AMPH: variants seen among roughly 807,000 people sequenced by gnomAD.
AMPH encodes amphiphysin, also known as amphiphysin (Stiff-Mann syndrome with breast cancer 128kD autoantigen).
A neutral mutation model predicts 99.1 loss-of-function variants in AMPH; 49 were observed. That is an observed-to-expected ratio of 0.49 (90% CI 0.39 to 0.63). The LOEUF (loss-of-function observed/expected upper bound fraction) is 0.63. Ranked by LOEUF, AMPH falls within the 20% of genes least tolerant of loss-of-function variation. AMPH has a pLI of 0.00. For synonymous variants in AMPH, 314 were observed against 317.3 expected (o/e 0.99, Z 0.11); for missense variants, 759 against 863.4 (o/e 0.88, Z 1.52).
intron 1 of AMPH, among the ~76,000 whole-genome samples, chr7:38,586,351 G>T (rs1022624800): frequency 1.3e-5 from 2 of 152,164 alleles, no homozygotes; most frequent in African/African-American, 4.8e-5. Context: ...CAAGCCTTCT[G>T]TCAGAACTAC....
intron 11 of AMPH, among the ~76,000 whole-genome samples, chr7:38,445,424 T>A (rs1004546852): frequency 3.9e-5 from 6 of 152,126 alleles, no homozygotes; most frequent in Admixed American, 6.6e-5. Context: ...AAATTGGATT[T>A]CATCAAATAA....
chr7:38,612,545 T>C (rs1793724908), intron 1 of AMPH, among the ~76,000 whole-genome samples: 3 of 152,194 alleles, frequency 2.0e-5, no homozygotes, highest in South Asian at 4.1e-4. Context: ...AACACTGATA[T>C]GGATAGATTA....
chr7:38,389,948 AT>A, intron 19 of AMPH, 43 bp from the exon 20 acceptor site: 1 of 1,454,158 alleles, frequency 6.9e-7, no homozygotes, highest in Non-Finnish European at 9.6e-7. Context: ...TCCCAGCCAG[AT>A]TTCAAGCAGA....
Position 38,441,850 on chromosome 7 carries a change from T to TCATATATA in AMPH, c.1018-5470_1018-5463dup, listed in dbSNP as rs1180405186. On this transcript the variant is annotated intron_variant, in intron 11 of 20. Coordinates refer to ENST00000356264, the MANE Select transcript of AMPH (RefSeq NM_001635.4). ...TCATATATATCATATATCATATATA[T>TCATATATA]CATATATATCATATATATCATATAT... Among the ~76,000 whole-genome samples, 388 of 100,370 alleles carry TCATATATA rather than the reference T, an allele frequency of 3.9e-3. 25 individuals carry two copies. In the South Asian group the frequency reaches 0.066, roughly 17 times the overall value. The allele number at this position is 100,370 out of a possible 152,430, so 65.8% of individuals were successfully genotyped here.
At chr7:38,422,548 G>C (rs1297739271) in intron 15 of AMPH, 71 bp from the exon 16 acceptor site, 1 of 1,064,458 alleles carries the variant, frequency 9.4e-7, no homozygotes, top group African/African-American at 1.6e-5. Context: ...AATTGTGTCT[G>C]CCTACGTATC....
At chr7:38,558,308 G>A (rs1791436827) in intron 1 of AMPH, among the ~76,000 whole-genome samples, 1 of 152,166 alleles carries the variant, frequency 6.6e-6, no homozygotes, top group African/African-American at 2.4e-5. Context: ...CATATACCAG[G>A]GGTTCTGCAC....
At chr7:38,478,999 C>T (rs1347185785) in intron 5 of AMPH, among the ~76,000 whole-genome samples, 2 of 151,864 alleles carry the variant, frequency 1.3e-5, no homozygotes, top group Non-Finnish European at 2.9e-5. Flanking sequence ...AATGGTCTAA[C>T]ATAATATAAT....
chr7:38,604,866 AT>A (rs879778690), intron 1 of AMPH, among the ~76,000 whole-genome samples: 5 of 150,488 alleles, frequency 3.3e-5, no homozygotes, highest in South Asian at 2.1e-4. Context: ...ATTTTCCTTC[AT>A]TTTTTTTTCC....
chr7:38,595,491 G>C (rs1056044807), intron 1 of AMPH, among the ~76,000 whole-genome samples: 1 of 152,202 alleles, frequency 6.6e-6, no homozygotes, highest in African/African-American at 2.4e-5. Flanking sequence ...AGAGGTTGTG[G>C]AGAAGTGCAA....
chr7:38,547,920 A>T (rs1171230187), intron 1 of AMPH, among the ~76,000 whole-genome samples: 1 of 152,170 alleles, frequency 6.6e-6, no homozygotes, highest in Non-Finnish European at 1.5e-5. Flanking sequence ...GTGAAACAAT[A>T]GGGCAGTGGA....
At chr7:38,522,082 G>A (rs1254574596) in intron 2 of AMPH, among the ~76,000 whole-genome samples, 1 of 152,084 alleles carries the variant, frequency 6.6e-6, no homozygotes, top group African/African-American at 2.4e-5. Flanking sequence ...ATGAGGTGGA[G>A]AAAAAAGAGA....
chr7:38,629,111 A>G (rs936104609), intron 1 of AMPH, among the ~76,000 whole-genome samples: 3 of 152,118 alleles, frequency 2.0e-5, no homozygotes, highest in South Asian at 4.2e-4. Context: ...AGGTGTAGAA[A>G]GAGGGAATCA....
intron 2 of AMPH, among the ~76,000 whole-genome samples, chr7:38,512,694 A>C (rs1037070029): frequency 6.6e-6 from 1 of 152,204 alleles, no homozygotes; most frequent in Admixed American, 6.5e-5. Flanking sequence ...TTCATAGGAA[A>C]TGGCACAGTA....
intron 1 of AMPH, among the ~76,000 whole-genome samples, chr7:38,620,020 G>C (rs1261916510): frequency 1.3e-5 from 2 of 152,122 alleles, no homozygotes; most frequent in African/African-American, 4.8e-5. Flanking sequence ...TAAGTTGGGA[G>C]ATCCTCCCAA....
chr7:38,467,640 A>ATGTGTGTG (rs70977407), intron 7 of AMPH, among the ~76,000 whole-genome samples: 47,612 of 148,574 alleles, frequency 0.32, 7,994 homozygotes, highest in Non-Finnish European at 0.39. Context: ...CAATGGAAAT[A>ATGTGTGTG]TGTGTGTGTG....
intron 4 of AMPH, among the ~76,000 whole-genome samples, chr7:38,493,865 T>C (rs1788820859): frequency 6.6e-6 from 1 of 152,154 alleles, no homozygotes; most frequent in Non-Finnish European, 1.5e-5. Flanking sequence ...TGTTAAGGCT[T>C]GTAGTGAGGA....
intron 1 of AMPH, among the ~76,000 whole-genome samples, chr7:38,622,214 G>T (rs868129804): frequency 6.6e-6 from 1 of 152,102 alleles, no homozygotes; most frequent in South Asian, 2.1e-4. Context: ...TTTCTCAGAA[G>T]TTCTATGCAG....
Position 38,392,005 on chromosome 7 carries a change from G to T in AMPH, c.1621C>A (p.Pro541Thr). 6.2e-7 allele frequency: 1 copy of T among 1,605,740 alleles called. No individual in the cohort carries two copies. The highest frequency in any genetic ancestry group is 8.5e-7 in the Non-Finnish European group (1 of 1,179,936). ...EATVPQEKVI[P>T]SVVIEPASNH... ...GAGGCAGGCTCTATGACCACCGAAGGAATGACCTTCTCCTGGGGGAAGAAA... is the reference window on the plus strand; with the variant it reads ...GAGGCAGGCTCTATGACCACCGAAGTAATGACCTTCTCCTGGGGGAAGAAA... The change falls in exon 19 of 21, where the codon CCT becomes ACT. Residue 541 changes from proline (P) to threonine (T), a missense_variant. Around this residue, in one of 2 missense-constraint regions of AMPH, gnomAD observed 554 missense variants for 575.6 expected, o/e 0.96. Coordinates refer to ENST00000356264, the MANE Select transcript of AMPH (RefSeq NM_001635.4).
chr7:38,600,815 G>T (rs1200112957), intron 1 of AMPH, among the ~76,000 whole-genome samples: 3 of 152,102 alleles, frequency 2.0e-5, no homozygotes, highest in African/African-American at 7.2e-5. Context: ...GCTTTGGCTG[G>T]GTGTTCTTTA....
Sources: gnomAD v4.1 joint callset for allele counts (sites outside exome capture counted in the v4.1 genomes callset) on GRCh38, gnomAD v4.1.1 for gene constraint, gnomAD v4.1.1 regional missense constraint, MANE v1.5 for transcripts, NCBI Gene and HGNC (gene_info 2026-07-23, HGNC 2026-07-21) for gene names.